The following TBC1D5 variants were observed in gnomAD, a reference collection of about 807,000 sequenced individuals.
TBC1D5 encodes the protein TBC1 domain family member 5.
Under a neutral mutation model 100.3 loss-of-function variants are expected in TBC1D5, and 75 were observed. The ratio of observed to expected loss-of-function variants is 0.75; its 90% confidence interval spans 0.62 to 0.91. The LOEUF is 0.91. Among genes scored for constraint, TBC1D5 ranks in the 40% least tolerant of loss-of-function variants. The pLI is 0.00. For synonymous variants in TBC1D5, 323 were observed against 325.6 expected (o/e 0.99, Z 0.09); for missense variants, 910 against 942.4 (o/e 0.97, Z 0.45).
intron 19 of TBC1D5, 64 bp downstream of exon 20, chr3:17,185,045 G>T: frequency 6.9e-7 from 1 of 1,438,998 alleles, no homozygotes; most frequent in Non-Finnish European, 9.7e-7. Flanking sequence ...CTAGAACAAA[G>T]TATTGCTAGT....
At chr3:17,585,856 C>A (rs1023482790) in intron 2 of TBC1D5, among the ~76,000 whole-genome samples, 3 of 151,980 alleles carry the variant, frequency 2.0e-5, no homozygotes, top group African/African-American at 7.3e-5. Context: ...ACATTTTATT[C>A]CTTATTATGG....
chr3:17,651,392 A>G (rs766302587), intron 1 of TBC1D5, among the ~76,000 whole-genome samples: 3 of 152,222 alleles, frequency 2.0e-5, no homozygotes, highest in Non-Finnish European at 2.9e-5. Context: ...CATCAGACCT[A>G]TATTAATGTA....
chr3:17,683,256 T>C (rs776567460), intron 1 of TBC1D5, among the ~76,000 whole-genome samples: 1 of 151,454 alleles, frequency 6.6e-6, no homozygotes, highest in African/African-American at 2.5e-5. Context: ...TTTAACAATA[T>C]GTACATGTGT....
chr3:17,479,832 T>C (rs2095480553), intron 3 of TBC1D5, among the ~76,000 whole-genome samples: 2 of 152,312 alleles, frequency 1.3e-5, no homozygotes, highest in African/African-American at 4.8e-5. Context: ...TAGCTGGGGC[T>C]GCATGCTCTA....
intron 19 of TBC1D5, among the ~76,000 whole-genome samples, chr3:17,170,428 C>T (rs1458914219): frequency 6.6e-6 from 1 of 152,170 alleles, no homozygotes; most frequent in Non-Finnish European, 1.5e-5. Context: ...AGGTCATATC[C>T]ATAGGGCAGA....
rs60889092 is a variant in TBC1D5 at position 17,591,233 on chromosome 3, C to CAAAAAAAAAAAAAAAAAAAAAAAAA, written c.-36+32591_-36+32615dup. Among the ~76,000 whole-genome samples, 13 of 18,662 alleles carry CAAAAAAAAAAAAAAAAAAAAAAAAA rather than the reference C, an allele frequency of 7.0e-4. 4 individuals are homozygous for CAAAAAAAAAAAAAAAAAAAAAAAAA. The highest frequency in any genetic ancestry group is 1.3e-3 in the Non-Finnish European group (9 of 7,130). 12.2% of individuals were successfully genotyped at this position (18,662 alleles called of 152,430 possible). A position where few individuals can be genotyped will look rare whatever the true frequency, so the allele number is the denominator to read the frequency against. On this transcript the variant is annotated intron_variant, in intron 2 of 21. Coordinates refer to ENST00000253692, the Ensembl canonical transcript of TBC1D5. ...ACTGGGCTACAAAGAAAGGATCTGTCAAAAAAAAAAAAAAAAAAAAAAAAA... is the reference window on the plus strand; with the variant it reads ...ACTGGGCTACAAAGAAAGGATCTGTCAAAAAAAAAAAAAAAAAAAAAAAAAAAAAAAAAAAAAAAAAAAAAAAAAA...
chr3:17,568,817 A>C (rs1474673807), intron 2 of TBC1D5, among the ~76,000 whole-genome samples: 3 of 151,734 alleles, frequency 2.0e-5, no homozygotes, highest in Admixed American at 2.0e-4. Context: ...AAATTGCCCA[A>C]GTTTTACTCA....
chr3:17,688,993 T>C (rs1198361526), intron 1 of TBC1D5, among the ~76,000 whole-genome samples: 5 of 152,242 alleles, frequency 3.3e-5, no homozygotes. Context: ...AGAATTGTTA[T>C]ATTGGCATTA....
At chr3:17,685,325 TAA>T (rs2153817678) in intron 1 of TBC1D5, among the ~76,000 whole-genome samples, 1 of 152,002 alleles carries the variant, frequency 6.6e-6, no homozygotes, top group Non-Finnish European at 1.5e-5. Flanking sequence ...CTAAAAGCAA[TAA>T]ACTCAAAATT....
At chr3:17,186,483 C>G (rs1314761434) in intron 18 of TBC1D5, among the ~76,000 whole-genome samples, 1 of 151,746 alleles carries the variant, frequency 6.6e-6, no homozygotes, top group African/African-American at 2.4e-5. Context: ...CAGAGGCAGG[C>G]AGATCACTTG....
At chr3:17,465,935 T>C (rs1276829341) in intron 3 of TBC1D5, among the ~76,000 whole-genome samples, 2 of 152,184 alleles carry the variant, frequency 1.3e-5, no homozygotes, top group Non-Finnish European at 2.9e-5. Context: ...TTTTACCCAA[T>C]TCCTTCTGCT....
chr3:17,341,153 T>G (rs1406387327), intron 13 of TBC1D5, among the ~76,000 whole-genome samples: 2 of 152,196 alleles, frequency 1.3e-5, no homozygotes. Context: ...CTTATTTGAG[T>G]GATTACTATG....
chr3:17,366,001 G>A (rs1313510386), intron 13 of TBC1D5, among the ~76,000 whole-genome samples: 8 of 152,120 alleles, frequency 5.3e-5, no homozygotes. Context: ...ATAAGATAAA[G>A]CCTTTTGGCC....
intron 18 of TBC1D5, among the ~76,000 whole-genome samples, chr3:17,186,710 C>CAAAAAAAAAAAAAAAAAAA (rs58438478): frequency 2.6e-4 from 7 of 27,278 alleles, no homozygotes; most frequent in South Asian, 5.2e-3. Context: ...ACTCTATCTC[C>CAAAAAAAAAAAAAAAAAAA]AAAAAAAAAA....
At chr3:17,273,380 A>G (rs17043269) in intron 15 of TBC1D5, among the ~76,000 whole-genome samples, 1,781 of 152,174 alleles carry the variant, frequency 0.012, 25 homozygotes, top group African/African-American at 0.04. Context: ...TACCATTAAT[A>G]CTTATACTCG....
intron 2 of TBC1D5, among the ~76,000 whole-genome samples, chr3:17,611,830 C>T (rs2061691519): frequency 6.6e-6 from 1 of 152,118 alleles, no homozygotes; most frequent in Admixed American, 6.5e-5. Flanking sequence ...CTATAAAATG[C>T]TAAGAATAAT....
At chr3:17,211,473 T>A (rs938199783) in intron 18 of TBC1D5, among the ~76,000 whole-genome samples, 3 of 152,212 alleles carry the variant, frequency 2.0e-5, no homozygotes, top group African/African-American at 7.2e-5. Flanking sequence ...TGTACGCTTT[T>A]CAGAGAATTA....
intron 1 of TBC1D5, among the ~76,000 whole-genome samples, chr3:17,693,596 G>A (rs547247999): frequency 6.6e-6 from 1 of 152,230 alleles, no homozygotes; most frequent in Admixed American, 6.5e-5. Context: ...GAACTGGGCG[G>A]AGCCCACTGC....
At chr3:17,631,853 T>C (rs1359778536) in intron 1 of TBC1D5, among the ~76,000 whole-genome samples, 2 of 152,238 alleles carry the variant, frequency 1.3e-5, no homozygotes, top group Non-Finnish European at 2.9e-5. Flanking sequence ...TCATTGACAA[T>C]GTGCCTGGCC....
Sources: allele counts gnomAD v4.1 joint callset (sites outside exome capture counted in the v4.1 genomes callset), GRCh38; gene constraint gnomAD v4.1.1; transcripts MANE v1.5; gene names NCBI Gene and HGNC (gene_info 2026-07-23, HGNC 2026-07-21).